Variants in CMSS1 observed in about 807,000 individuals in gnomAD.
CMSS1 encodes protein CMSS1.
Under a neutral mutation model 43.5 loss-of-function variants are expected in CMSS1, and 33 were observed. That is an observed-to-expected ratio of 0.76 (90% CI 0.57 to 1.01). The LOEUF is 1.01. Ranked by LOEUF, CMSS1 falls within the 50% of genes least tolerant of loss-of-function variation. CMSS1 has a pLI of 0.00. For missense variants in CMSS1, 313 were observed against 326.4 expected, an observed-to-expected ratio of 0.96 and a Z score of 0.32; for synonymous variants, 115 against 117.2, an observed-to-expected ratio of 0.98 and a Z score of 0.12.
chr3:99,880,900 A>G (rs747006690), intron 1 of CMSS1, among the ~76,000 whole-genome samples: 2 of 152,112 alleles, frequency 1.3e-5, no homozygotes, highest in Non-Finnish European at 2.9e-5. Context: ...GTGTATGTAT[A>G]TTATGTTTCT....
At chr3:100,138,581 T>C (rs2066775121) in intron 1 of CMSS1, among the ~76,000 whole-genome samples, 1 of 152,078 alleles carries the variant, frequency 6.6e-6, no homozygotes. Flanking sequence ...AACAGACATA[T>C]GAAAAAAAGC....
chr3:99,982,809 A>G (rs919311777), intron 1 of CMSS1, among the ~76,000 whole-genome samples: 6 of 152,220 alleles, frequency 3.9e-5, no homozygotes, highest in African/African-American at 1.4e-4. Flanking sequence ...TTGTGATGAC[A>G]ATTGAACAGC....
intron 1 of CMSS1, among the ~76,000 whole-genome samples, chr3:99,994,180 A>G (rs924970480): frequency 2.0e-5 from 3 of 152,062 alleles, no homozygotes; most frequent in Admixed American, 6.6e-5. Context: ...CAGGAGTACT[A>G]TTTCTTCCTG....
chr3:99,968,447 TG>T (rs1708720346), intron 1 of CMSS1, among the ~76,000 whole-genome samples: 2 of 149,146 alleles, frequency 1.3e-5, no homozygotes, highest in Non-Finnish European at 3.0e-5. Context: ...AAAAAAAGAC[TG>T]AATGATATGT....
At chr3:100,149,019 C>T (rs2066879539) in intron 2 of CMSS1, among the ~76,000 whole-genome samples, 2 of 152,116 alleles carry the variant, frequency 1.3e-5, no homozygotes, top group African/African-American at 4.8e-5. Context: ...TAGTCATGCC[C>T]TCTCTGACTT....
intron 1 of CMSS1, among the ~76,000 whole-genome samples, chr3:100,029,959 A>T (rs1377816252): frequency 6.6e-6 from 1 of 152,126 alleles, no homozygotes; most frequent in African/African-American, 2.4e-5. Flanking sequence ...ATGAGTGAGG[A>T]CTCTAAGAAG....
intron 1 of CMSS1, among the ~76,000 whole-genome samples, chr3:99,875,546 C>G (rs1705468465): frequency 6.6e-6 from 1 of 152,146 alleles, no homozygotes; most frequent in Admixed American, 6.5e-5. Flanking sequence ...TTTTTTGAAG[C>G]TTAAAAAGAT....
At chr3:99,888,139 GAATA>G (rs1258644602) in intron 1 of CMSS1, among the ~76,000 whole-genome samples, 8 of 152,104 alleles carry the variant, frequency 5.3e-5, no homozygotes, top group Non-Finnish European at 1.0e-4. Context: ...TCTGCTCTGA[GAATA>G]AAAATAAAAT....
At chr3:99,900,702 C>T (rs183239946) in intron 1 of CMSS1, among the ~76,000 whole-genome samples, 31 of 152,338 alleles carry the variant, frequency 2.0e-4, no homozygotes, top group African/African-American at 3.6e-4. Context: ...TTCTTTTCCA[C>T]GCAAGTCTTA....
At chr3:99,849,891 C>A in intron 1 of CMSS1, 1 of 1,611,766 alleles carries the variant, frequency 6.2e-7, no homozygotes, top group African/African-American at 1.3e-5. Flanking sequence ...CAATTGCTTC[C>A]AATGATTGAA....
At chr3:100,171,779 A>C in intron 6 of CMSS1, 60 bp from the exon 7 acceptor site, 1 of 1,274,054 alleles carries the variant, frequency 7.8e-7, no homozygotes, top group Non-Finnish European at 1.1e-6. Context: ...ATACTTAAGT[A>C]GTCATCGTGG....
chr3:100,147,006 A>G lies in CMSS1; in HGVS notation c.98A>G (p.Glu33Gly), dbSNP rs1248087953. The change falls in exon 2 of 10, where the codon GAA becomes GGA. Residue 33 changes from glutamate to glycine, a missense_variant. By Grantham distance (98) the Glu-to-Gly change is moderately conservative (BLOSUM62 -2). Coordinates refer to ENST00000421999, the MANE Select transcript of CMSS1 (RefSeq NM_032359.4). ...ASDGEGEGDTEVMQQETVPVP... is the reference protein window; with the variant it reads ...ASDGEGEGDTGVMQQETVPVP... ...GATGGTGAAGGAGAAGGAGACACAGAAGTGATGCAGCAGGAGACAGTTCCA... is the reference window on the plus strand; with the variant it reads ...GATGGTGAAGGAGAAGGAGACACAGGAGTGATGCAGCAGGAGACAGTTCCA... 4 of 1,613,812 alleles carry G rather than the reference A, an allele frequency of 2.5e-6. No individual in the cohort carries two copies. The highest frequency in any genetic ancestry group is 3.4e-6 in the Non-Finnish European group (4 of 1,179,850).
intron 1 of CMSS1, among the ~76,000 whole-genome samples, chr3:100,017,013 T>C (rs1437313993): frequency 6.6e-6 from 1 of 152,208 alleles, no homozygotes; most frequent in Non-Finnish European, 1.5e-5. Context: ...GATCTTTAAA[T>C]GGGTTTTTGT....
chr3:99,837,879 A>G (rs1010802839), intron 1 of CMSS1, among the ~76,000 whole-genome samples: 1 of 152,178 alleles, frequency 6.6e-6, no homozygotes, highest in Non-Finnish European at 1.5e-5. Flanking sequence ...TAGTGGCTGG[A>G]CCTTGATCCC....
chr3:100,058,862 T>C (rs142132791), intron 1 of CMSS1, among the ~76,000 whole-genome samples: 22 of 152,366 alleles, frequency 1.4e-4, no homozygotes, highest in Admixed American at 3.3e-4. Flanking sequence ...AGTTGAGTGA[T>C]GTGTTTAGTA....
rs1376554671 is a variant in CMSS1, at chr3:100,179,740, G to C, written c.*1352G>C. 6.6e-6 allele frequency: 1 copy of C among 152,406 alleles called. No individual in the cohort carries two copies. Among genetic ancestry groups the C allele is most frequent in the Admixed American group, 6.5e-5 (1 of 15,290 alleles). The allele number at this position is 152,406 out of a possible 1,614,324, so 9.4% of individuals were successfully genotyped here. A position where few individuals can be genotyped will look rare whatever the true frequency, so the allele number is the denominator to read the frequency against. On this transcript the variant is annotated 3_prime_UTR_variant, in exon 10 of 10. Transcript: ENST00000421999. ...CTGTCAGTGGATCTACCATTCTGGG[G>C]TCTGGAGGATGATGGCTCTCTTCTC...
chr3:100,076,643 C>G (rs1052364441), intron 1 of CMSS1, among the ~76,000 whole-genome samples: 1 of 152,182 alleles, frequency 6.6e-6, no homozygotes, highest in Non-Finnish European at 1.5e-5. Context: ...AGACTGAACT[C>G]ACTGTGTACT....
At chr3:99,997,909 C>G (rs1039052291) in intron 1 of CMSS1, among the ~76,000 whole-genome samples, 9 of 152,128 alleles carry the variant, frequency 5.9e-5, no homozygotes, top group Non-Finnish European at 1.0e-4. Flanking sequence ...AGATAATCTG[C>G]TTTACAAATG....
chr3:99,822,966 T>C (rs1286352749), intron 1 of CMSS1, among the ~76,000 whole-genome samples: 1 of 152,194 alleles, frequency 6.6e-6, no homozygotes, highest in Non-Finnish European at 1.5e-5. Flanking sequence ...CCCAATACTA[T>C]CTATTTAATT....
Sources: gnomAD v4.1 joint callset for allele counts (sites outside exome capture counted in the v4.1 genomes callset) on GRCh38, gnomAD v4.1.1 for gene constraint, MANE v1.5 for transcripts, NCBI Gene and HGNC (gene_info 2026-07-23, HGNC 2026-07-21) for gene names.